Variants in NR4A1 observed in about 807,000 individuals in gnomAD.
NR4A1 encodes the protein nuclear receptor subfamily 4 group A member 1.
In NR4A1, 24 loss-of-function variants were observed where a neutral mutation model predicts 47.5. That is an observed-to-expected ratio of 0.50 (90% CI 0.37 to 0.71). The LOEUF (loss-of-function observed/expected upper bound fraction) is 0.71, where lower values mean the gene tolerates loss of function less well. NR4A1 is among the 30% of genes least tolerant of loss of function. The pLI is 0.00. For missense variants in NR4A1, 669 were observed against 788.6 expected (o/e 0.85, Z 1.82); for synonymous variants, 353 against 345.7 (o/e 1.02, Z -0.24).
upstream of NR4A1, among the ~76,000 whole-genome samples, chr12:52,049,713 A>G (rs1938825148): frequency 6.6e-6 from 1 of 152,246 alleles, no homozygotes; most frequent in African/African-American, 2.4e-5. Flanking sequence ...ATGTTCCAAA[A>G]AAGAATTTCA....
intron 1 of NR4A1, 111 bp downstream of exon 1, chr12:52,051,679 T>G (rs1034021277): frequency 1.4e-6 from 1 of 709,890 alleles, no homozygotes; most frequent in East Asian, 1.3e-4. Context: ...AGAGGGTAGG[T>G]GTAGTGTGCA....
At chr12:52,029,888 G>A (rs781566845) in intron 1 of NR4A1, among the ~76,000 whole-genome samples, 18 of 152,306 alleles carry the variant, frequency 1.2e-4, no homozygotes, top group East Asian at 1.9e-4. Flanking sequence ...CAGGAGCAGC[G>A]TTACTTAGCA....
intron 1 of NR4A1, among the ~76,000 whole-genome samples, chr12:52,032,933 A>G (rs770665303): frequency 1.7e-4 from 26 of 151,810 alleles, no homozygotes; most frequent in Non-Finnish European, 2.9e-4. Context: ...CTCTTAACTC[A>G]TTTCCCCCAT....
chr12:52,056,016 GC>G lies in NR4A1; in HGVS notation c.877-7del, dbSNP rs570698689. On this transcript the variant is annotated splice_polypyrimidine_tract_variant and intron_variant, in intron 2 of 6. Coordinates refer to ENST00000394825, the MANE Select transcript of NR4A1 (RefSeq NM_173157.3). ...ACACTCTGACAGCTTGTTCCGTGTT[GC>G]CCCCCCACCCAGCGCACAGTGCAGA... The G allele has an allele frequency of 1.7e-4, 151 of 906,400 alleles. No homozygotes were observed. The East Asian group carries it at 8.7e-3, about 52-fold the overall frequency. The allele number at this position is 906,400 out of a possible 1,614,324, so 56.1% of individuals were successfully genotyped here. A position where few individuals can be genotyped will look rare whatever the true frequency, so the allele number is the denominator to read the frequency against.
intron 3 of NR4A1, 166 bp from the exon 4 acceptor site, chr12:52,056,328 T>G: frequency 7.4e-7 from 1 of 1,358,518 alleles, no homozygotes; most frequent in Non-Finnish European, 9.9e-7. Context: ...CTGCCTGGAT[T>G]GTGAGGGTGG....
At chr12:52,058,405 G>A (rs1442415621) in intron 6 of NR4A1, 10 of 473,946 alleles carry the variant, frequency 2.1e-5, no homozygotes, top group Admixed American at 1.6e-4. Flanking sequence ...CAATGATCTA[G>A]CCAGAAAACG....
chr12:52,052,302 T>TGAGA (rs1378035193), intron 1 of NR4A1, among the ~76,000 whole-genome samples: 203 of 103,748 alleles, frequency 2.0e-3, no homozygotes, highest in African/African-American at 6.7e-3. Context: ...TGTGTGTGTG[T>TGAGA]GTGAGAGAGA....
intron 1 of NR4A1, among the ~76,000 whole-genome samples, chr12:52,053,214 A>C (rs987340241): frequency 6.6e-6 from 1 of 152,040 alleles, no homozygotes; most frequent in African/African-American, 2.4e-5. Flanking sequence ...CCATTCTGTG[A>C]ATGTAAGGAT....
chr12:52,056,266 T>G, intron 3 of NR4A1, 107 bp downstream of exon 3: 1 of 1,458,144 alleles, frequency 6.9e-7, no homozygotes, highest in Non-Finnish European at 9.2e-7. Context: ...AGGGCACGTC[T>G]TATTTCCACC....
Position 52,054,952 on chromosome 12 carries a change from G to C in NR4A1, c.624G>C (p.Lys208Asn). 6.2e-7 allele frequency: 1 copy of C among 1,614,216 alleles called. No homozygotes were observed. The highest frequency in any genetic ancestry group is 8.5e-7 in the Non-Finnish European group (1 of 1,180,044). ...CCAGCCTGGCCCAGAGCCCCCTGAA[G>C]TTGTTCCCCTCACAGGCCACCCACC... ...PSPSLAQSPL[K>N]LFPSQATHQL... Residue 208 changes from lysine (K) to asparagine (N), a missense_variant, in exon 2 of 7, where the codon AAG becomes AAC. Transcript: ENST00000394825.
At chr12:52,053,714 G>A (rs1449785598) in intron 1 of NR4A1, 1 of 152,656 alleles carries the variant, frequency 6.6e-6, no homozygotes, top group African/African-American at 2.4e-5. Context: ...GGGTGGAAAT[G>A]GGGGACAGGC....
intron 1 of NR4A1, chr12:52,041,693 C>T (rs576251652): frequency 5.2e-6 from 6 of 1,151,318 alleles, no homozygotes; most frequent in South Asian, 4.0e-5. Flanking sequence ...GCTTGTCCCC[C>T]TCTTGTGGCC....
At chr12:52,051,419 A>C (rs1242285385), upstream of NR4A1, 1 of 985,488 alleles carries the variant, frequency 1.0e-6, no homozygotes, top group Non-Finnish European at 1.2e-6. Context: ...AGCGCTTAAG[A>C]GGAGGGTCGG....
At chr12:52,038,983 AG>A (rs1169758820) in intron 1 of NR4A1, among the ~76,000 whole-genome samples, 1 of 152,194 alleles carries the variant, frequency 6.6e-6, no homozygotes, top group Non-Finnish European at 1.5e-5. Flanking sequence ...AGTGGGTGGC[AG>A]GGGGAGCGAG....
chr12:52,054,919 C>A lies in NR4A1; in HGVS notation c.591C>A (p.Gly197=). Residue 197 remains glycine, a synonymous_variant, in exon 2 of 7, where the codon GGC becomes GGA. Coordinates refer to ENST00000394825, the MANE Select transcript of NR4A1 (RefSeq NM_173157.3). ...TCTTTTCCTTCAGTCCTCCCACCGG[C>A]CCCAGCCCCAGCCTGGCCCAGAGCC... ...PAFFSFSPPT[G]PSPSLAQSPL... The A allele has an allele frequency of 1.2e-6, 2 of 1,614,172 alleles. No individual in the cohort carries two copies. Among genetic ancestry groups the A allele is most frequent in the Non-Finnish European group, 1.7e-6 (2 of 1,180,044 alleles).
intron 1 of NR4A1, among the ~76,000 whole-genome samples, chr12:52,027,348 G>A (rs1303752769): frequency 6.6e-6 from 1 of 152,228 alleles, no homozygotes; most frequent in East Asian, 1.9e-4. Flanking sequence ...AGCTCTCCCT[G>A]GGAGGCAGCC....
chr12:52,055,315 C>G (rs1262678217), intron 2 of NR4A1, 111 bp downstream of exon 2: 1 of 1,434,126 alleles, frequency 7.0e-7, no homozygotes, highest in African/African-American at 1.4e-5. Flanking sequence ...AAGTCCTGTC[C>G]TGCAGGGTGG....
Position 52,054,798 on chromosome 12 carries a change from C to T in NR4A1, c.470C>T (p.Ser157Phe). 3 of 1,613,274 alleles carry T rather than the reference C, an allele frequency of 1.9e-6. No individual in the cohort carries two copies. Among genetic ancestry groups the T allele is most frequent in the Non-Finnish European group, 2.5e-6 (3 of 1,179,960 alleles). The change falls in exon 2 of 7, where the codon TCC becomes TTC. Residue 157 changes from serine (S) to phenylalanine (F), a missense_variant. Coordinates refer to ENST00000394825, the MANE Select transcript of NR4A1 (RefSeq NM_173157.3). ...QPPQLSPWDG[S>F]FGHFSPSQTY... ...CCCCAGCTCTCTCCCTGGGATGGCTCCTTCGGCCACTTCTCGCCCAGCCAG... is the reference window on the plus strand; with the variant it reads ...CCCCAGCTCTCTCCCTGGGATGGCTTCTTCGGCCACTTCTCGCCCAGCCAG...
At chr12:52,051,814 A>G (rs1938970443) in intron 1 of NR4A1, among the ~76,000 whole-genome samples, 1 of 152,054 alleles carries the variant, frequency 6.6e-6, no homozygotes, top group Admixed American at 6.5e-5. Context: ...CGCCGGGAGT[A>G]GGGACTTGTC....
Sources: allele counts gnomAD v4.1 joint callset (sites outside exome capture counted in the v4.1 genomes callset), GRCh38; gene constraint gnomAD v4.1.1; transcripts MANE v1.5; gene names NCBI Gene and HGNC (gene_info 2026-07-23, HGNC 2026-07-21).